Variants in MAP3K5 observed in about 807,000 individuals in gnomAD.
MAP3K5 encodes ASK-1.
A neutral mutation model predicts 158.7 loss-of-function variants in MAP3K5; 56 were observed. The ratio of observed to expected loss-of-function variants is 0.35; its 90% confidence interval spans 0.28 to 0.44. The LOEUF (loss-of-function observed/expected upper bound fraction) is 0.44, where lower values mean the gene tolerates loss of function less well. Ranked by LOEUF, MAP3K5 falls within the 20% of genes least tolerant of loss-of-function variation. The pLI is 1.00. For missense variants in MAP3K5, 1,294 were observed against 1,674.8 expected (o/e 0.77, Z 3.97); for synonymous variants, 579 against 601.7 (o/e 0.96, Z 0.55).
chr6:136,645,805 AT>A (rs1583335096), intron 11 of MAP3K5, among the ~76,000 whole-genome samples: 1 of 152,112 alleles, frequency 6.6e-6, no homozygotes, highest in Non-Finnish European at 1.5e-5. Flanking sequence ...TCACAGAGCT[AT>A]TTATTCCATA....
chr6:136,656,199 C>G (rs942206730), intron 10 of MAP3K5, 108 bp downstream of exon 10: 1 of 839,808 alleles, frequency 1.2e-6, no homozygotes, highest in African/African-American at 1.7e-5. Flanking sequence ...AACCAGATGA[C>G]TGCAGTTTTA....
At chr6:136,751,464 T>C (rs188357756) in intron 1 of MAP3K5, among the ~76,000 whole-genome samples, 1 of 152,348 alleles carries the variant, frequency 6.6e-6, no homozygotes. Flanking sequence ...AACATACTGA[T>C]AAAGGCCTGC....
chr6:136,560,159 TAAAC>T (rs1830443373), intron 28 of MAP3K5, among the ~76,000 whole-genome samples: 1 of 152,208 alleles, frequency 6.6e-6, no homozygotes, highest in South Asian at 2.1e-4. Context: ...ATAATGAACA[TAAAC>T]AAATGCTATT....
intron 1 of MAP3K5, among the ~76,000 whole-genome samples, chr6:136,750,760 T>C (rs1024033274): frequency 2.6e-5 from 4 of 152,210 alleles, no homozygotes; most frequent in African/African-American, 4.8e-5. Flanking sequence ...TTTCATCTTC[T>C]TCCTCCTTCT....
In MAP3K5 at chr6:136,664,262, G is replaced by T. The variant is rs1779132961; in HGVS notation, c.1367-4884C>A. Among the ~76,000 whole-genome samples the T allele has an allele frequency of 2.0e-5, 3 of 152,056 alleles. No individual in the cohort carries two copies. The South Asian group carries it at 6.2e-4, about 32-fold the overall frequency. On this transcript the variant is annotated intron_variant, in intron 8 of 29. Transcript: ENST00000359015. ...CGCTCCTTATGAGAACCTAATGCCT[G>T]ATGATCTGTCACTGTCTCCCATCCC...
intron 3 of MAP3K5, among the ~76,000 whole-genome samples, chr6:136,703,558 C>T (rs1780943507): frequency 6.6e-6 from 1 of 152,174 alleles, no homozygotes; most frequent in Admixed American, 6.5e-5. Context: ...AGCGCATGTC[C>T]AATCAGTATT....
Position 136,736,333 on chromosome 6 carries a change from A to C in MAP3K5, c.449-15744T>G, listed in dbSNP as rs150021360. The stretch of plus-strand genomic sequence containing the variant: ...CTCACTTTCGACACCTAATAATTTC[A>C]TCTAGTCAAAATGTGCAATAGTTTT... On this transcript the variant is annotated intron_variant, in intron 1 of 29. Transcript: ENST00000359015. 1.5e-3 allele frequency among the ~76,000 whole-genome samples: 228 copies of C among 152,326 alleles called. 1 individual carries two copies. Among genetic ancestry groups the C allele is most frequent in the African/African-American group, 5.4e-3 (226 of 41,580 alleles).
intron 1 of MAP3K5, among the ~76,000 whole-genome samples, chr6:136,738,367 C>T (rs1433575273): frequency 6.6e-6 from 1 of 152,064 alleles, no homozygotes; most frequent in Non-Finnish European, 1.5e-5. Flanking sequence ...TGTCTGTGTC[C>T]TCCAAGGGAC....
At chr6:136,697,446 C>G (rs924333944) in intron 4 of MAP3K5, 59 bp from the exon 5 acceptor site, 2 of 1,400,464 alleles carry the variant, frequency 1.4e-6, no homozygotes, top group African/African-American at 2.9e-5. Context: ...CAATGAAAAG[C>G]AATAATTTTA....
chr6:136,655,871 G>A (rs890848287), intron 10 of MAP3K5, among the ~76,000 whole-genome samples: 2 of 152,158 alleles, frequency 1.3e-5, no homozygotes, highest in African/African-American at 4.8e-5. Context: ...ATCTAACTCT[G>A]ACCCACCTGG....
intron 1 of MAP3K5, among the ~76,000 whole-genome samples, chr6:136,757,503 CTG>C (rs1284924471): frequency 6.6e-6 from 1 of 151,852 alleles, no homozygotes; most frequent in Non-Finnish European, 1.5e-5. Flanking sequence ...CTTTCTATTA[CTG>C]TGTTTACCAA....
Position 136,694,320 on chromosome 6 carries a change from A to G in MAP3K5, c.1083-10T>C. The G allele has an allele frequency of 6.2e-7, 1 of 1,604,230 alleles. No homozygotes were observed. Among genetic ancestry groups the G allele is most frequent in the East Asian group, 2.2e-5 (1 of 44,756 alleles). ...ACCAGGGAGATTTCTCCTAAGGCAG[A>G]AAACATTGTTGTTTCAATATACATT... On this transcript the variant is annotated splice_polypyrimidine_tract_variant and intron_variant, in intron 6 of 29. Coordinates refer to ENST00000359015, the MANE Select transcript of MAP3K5 (RefSeq NM_005923.4).
At chr6:136,623,807 G>A (rs76902116) in intron 14 of MAP3K5, among the ~76,000 whole-genome samples, 1,860 of 152,254 alleles carry the variant, frequency 0.012, 42 homozygotes, top group African/African-American at 0.042. Context: ...ATTAGAACAA[G>A]CTTTTCATAT....
chr6:136,772,994 T>G (rs1031950850), intron 1 of MAP3K5, among the ~76,000 whole-genome samples: 1 of 152,192 alleles, frequency 6.6e-6, no homozygotes, highest in Non-Finnish European at 1.5e-5. Flanking sequence ...TTAAGCTGTA[T>G]CAGTGTGAAT....
intron 2 of MAP3K5, among the ~76,000 whole-genome samples, chr6:136,709,490 C>T (rs1781218358): frequency 6.6e-6 from 1 of 152,018 alleles, no homozygotes; most frequent in Non-Finnish European, 1.5e-5. Flanking sequence ...TCATGCTCCC[C>T]CAGCATACAA....
intron 1 of MAP3K5, among the ~76,000 whole-genome samples, chr6:136,737,000 A>C (rs1782489672): frequency 7.5e-6 from 1 of 133,724 alleles, no homozygotes; most frequent in African/African-American, 3.5e-5. Context: ...TTATTTTTTT[A>C]ATGTGACAAA....
At chr6:136,649,086 C>CA (rs1737187404) in intron 11 of MAP3K5, among the ~76,000 whole-genome samples, 1 of 152,244 alleles carries the variant, frequency 6.6e-6, no homozygotes, top group South Asian at 2.1e-4. Flanking sequence ...TCTCCTGCCT[C>CA]AGCCTCCTGA....
intron 1 of MAP3K5, among the ~76,000 whole-genome samples, chr6:136,790,281 A>G (rs765973372): frequency 9.2e-5 from 14 of 152,176 alleles, no homozygotes; most frequent in Admixed American, 3.3e-4. Context: ...TTTTTTCTAG[A>G]GCCCTAGGAA....
intron 1 of MAP3K5, among the ~76,000 whole-genome samples, chr6:136,769,140 A>C (rs180739688): frequency 6.6e-6 from 1 of 152,340 alleles, no homozygotes; most frequent in Non-Finnish European, 1.5e-5. Context: ...AAAGGTGTTC[A>C]AGCACCATAC....
Sources: gnomAD v4.1 joint callset for allele counts (sites outside exome capture counted in the v4.1 genomes callset) on GRCh38, gnomAD v4.1.1 for gene constraint, MANE v1.5 for transcripts, NCBI Gene and HGNC (gene_info 2026-07-23, HGNC 2026-07-21) for gene names.